The following SRPRA variants were observed in gnomAD, a reference collection of about 807,000 sequenced individuals.
SRPRA encodes signal recognition particle receptor subunit alpha.
Under a neutral mutation model 61.1 loss-of-function variants are expected in SRPRA, and 30 were observed. The observed-to-expected ratio is 0.49, with a 90% CI of 0.37 to 0.67. SRPRA has a LOEUF of 0.67. SRPRA is among the 30% of genes least tolerant of loss of function. The probability of loss-of-function intolerance (pLI) is 0.00; values close to 1 mark genes in which losing one functional copy is unlikely to be tolerated. For synonymous variants in SRPRA, 324 were observed against 299.7 expected (o/e 1.08, Z -0.84); for missense variants, 759 against 828.4 (o/e 0.92, Z 1.03).
chr11:126,240,920 T>C, the SRPRA span: 3 of 1,614,188 alleles, frequency 1.9e-6, no homozygotes, highest in South Asian at 3.3e-5. Context: ...ATTCAGGCCT[T>C]ACTGGATGCT....
chr11:126,236,245 T>C, the SRPRA span, among the ~76,000 whole-genome samples: 1 of 152,364 alleles, frequency 6.6e-6, no homozygotes, highest in African/African-American at 2.4e-5. Context: ...AGCATGTCCT[T>C]GCATAGCCTC....
the SRPRA span, chr11:126,241,297 T>C: frequency 2.7e-6 from 1 of 366,880 alleles, no homozygotes; most frequent in East Asian, 4.0e-5. Flanking sequence ...TATGTACAAA[T>C]TACCACTGTG....
In SRPRA at chr11:126,265,276, G is replaced by A; in HGVS notation, c.1303C>T (p.Leu435Phe). 1 of 1,614,140 alleles carries A rather than the reference G, an allele frequency of 6.2e-7. No homozygotes were observed. The highest frequency in any genetic ancestry group is 1.7e-5 in the Admixed American group (1 of 60,022). Residue 435 changes from leucine to phenylalanine, a missense_variant, in exon 10 of 14, where the codon CTT becomes TTT. This residue lies in a region of SRPRA where 284 missense variants were observed against 365.9 expected (regional missense o/e 0.78). Coordinates refer to ENST00000332118, the MANE Select transcript of SRPRA (RefSeq NM_003139.4). This position sits in a 1 kb window ranked among gnomAD's most constrained non-coding sequence, Gnocchi z 6.3. ...GVNGVGKSTN[L>F]AKISFWLLEN... is the part of the protein sequence containing the mutation. ...TGGGGAACTGCACTGACCTTGGCAAGATTAGTAGATTTCCCCACTCCATTA... is the reference window on the plus strand; with the variant it reads ...TGGGGAACTGCACTGACCTTGGCAAAATTAGTAGATTTCCCCACTCCATTA...
downstream of SRPRA, chr11:126,261,978 A>C: frequency 1.2e-6 from 1 of 813,380 alleles, no homozygotes; most frequent in South Asian, 1.9e-5. Context: ...AAAGTAAATA[A>C]AATTTTAAAT....
chr11:126,259,941 C>T (rs555467904), downstream of SRPRA, among the ~76,000 whole-genome samples: 4 of 151,584 alleles, frequency 2.6e-5, no homozygotes, highest in East Asian at 7.8e-4. Context: ...AGGATGGTCT[C>T]GATCTCCTGA....
chr11:126,248,489 G>C, the SRPRA span, among the ~76,000 whole-genome samples: 4 of 144,708 alleles, frequency 2.8e-5, no homozygotes, highest in East Asian at 2.3e-4. Context: ...TCCTGCCTCA[G>C]CCTCCCGAGT....
At chr11:126,251,312 T>C in the SRPRA span, among the ~76,000 whole-genome samples, 1 of 152,220 alleles carries the variant, frequency 6.6e-6, no homozygotes, top group Admixed American at 6.5e-5. Context: ...ATTTTTGTAA[T>C]GTTTTTTCCT....
chr11:126,239,073 C>T, the SRPRA span, among the ~76,000 whole-genome samples: 1 of 150,908 alleles, frequency 6.6e-6, no homozygotes, highest in Non-Finnish European at 1.5e-5. Flanking sequence ...CCTGGGCTCA[C>T]GTGATCCTCC....
At position 126,265,339 on chromosome 11, in the gene SRPRA, G is replaced by A. The variant is rs746132167; in HGVS notation, c.1240C>T (p.Arg414Cys). ...GTGACGACATAAGGGCGCTGGCGACGCTGGGCATCCATGATGTCCCGGAGC... is the reference window on the plus strand; with the variant it reads ...GTGACGACATAAGGGCGCTGGCGACACTGGGCATCCATGATGTCCCGGAGC... ...DMLRDIMDAQRRQRPYVVTFC... is the reference protein window; with the variant it reads ...DMLRDIMDAQCRQRPYVVTFC... Residue 414 changes from arginine (R) to cysteine (C), a missense_variant, in exon 10 of 14, where the codon CGT (arginine) becomes TGT (cysteine). Transcript: ENST00000332118. This position sits in a 1 kb window ranked among gnomAD's most constrained non-coding sequence, Gnocchi z 6.3. 10 of 1,613,944 alleles carry A rather than the reference G, an allele frequency of 6.2e-6. No homozygotes were observed. Among genetic ancestry groups the A allele is most frequent in the African/African-American group, 5.3e-5 (4 of 74,922 alleles).
the SRPRA span, among the ~76,000 whole-genome samples, chr11:126,236,437 A>T: frequency 1.3e-5 from 2 of 152,000 alleles, no homozygotes; most frequent in Non-Finnish European, 2.9e-5. Context: ...AATCCTTTGT[A>T]TTGTATGACC....
chr11:126,266,956 A>C (rs758545946), intron 4 of SRPRA, 34 bp from the exon 5 acceptor site: 9 of 1,602,784 alleles, frequency 5.6e-6, no homozygotes, highest in South Asian at 2.2e-5. Context: ...AGAAAAAAGA[A>C]GACCAATCCC....
chr11:126,267,684 G>T lies in SRPRA; in HGVS notation c.230C>A (p.Thr77Lys), dbSNP rs1158392023. 1.9e-6 allele frequency: 3 copies of T among 1,614,092 alleles called. 1 individual carries two copies. The Admixed American group carries it at 5.0e-5, about 27-fold the overall frequency. ...VVGFQKILTL[T>K]YVDKLIDDVH... ...GTCATCTATCAATTTGTCTACATAT[G>T]TCAGTGTCAGGATCTTCTGAAAACC... The change falls in exon 3 of 14, where the codon ACA becomes AAA. Residue 77 changes from threonine (T) to lysine (K), a missense_variant. This residue lies in a region of SRPRA where 475 missense variants were observed against 462.5 expected (regional missense o/e 1.03). Coordinates refer to ENST00000332118, the MANE Select transcript of SRPRA (RefSeq NM_003139.4). This position sits in a 1 kb window ranked among gnomAD's most constrained non-coding sequence, Gnocchi z 4.2.
At chr11:126,237,278 T>C in the SRPRA span, among the ~76,000 whole-genome samples, 1 of 117,998 alleles carries the variant, frequency 8.5e-6, no homozygotes, top group African/African-American at 3.3e-5. Flanking sequence ...TGGAGTGCAA[T>C]GGTGCAATCT....
the SRPRA span, chr11:126,250,736 A>G: frequency 6.2e-7 from 1 of 1,603,104 alleles, no homozygotes; most frequent in Admixed American, 1.7e-5. This position sits in a 1 kb window ranked among gnomAD's most constrained non-coding sequence, Gnocchi z 5.1. Context: ...AGAAAAAGGT[A>G]AAAAGTAAAG....
chr11:126,250,759 C>T, the SRPRA span: 1 of 1,519,848 alleles, frequency 6.6e-7, no homozygotes, highest in Non-Finnish European at 9.1e-7. The surrounding 1 kb of genome is among the most constrained non-coding windows in gnomAD (Gnocchi z 5.1). Context: ...TTGGTCCCTT[C>T]TTCAGGCTAG....
chr11:126,264,486 C>G lies in SRPRA; in HGVS notation c.1579G>C (p.Asp527His), dbSNP rs199583502. Residue 527 changes from aspartate (D) to histidine (H), a missense_variant, in exon 12 of 14, where the codon GAC (aspartate) becomes CAC (histidine). Around this residue, in one of 2 missense-constraint regions of SRPRA, gnomAD observed 284 missense variants for 365.9 expected, o/e 0.78. Coordinates refer to ENST00000332118, the MANE Select transcript of SRPRA (RefSeq NM_003139.4). The surrounding 1 kb of genome is among the most constrained non-coding windows in gnomAD (Gnocchi z 5.0). ...VLVDTAGRMQ[D>H]NAPLMTALAK... ...AGGGCAGTCATCAGAGGGGCATTGT[C>G]TTGCATGCGGCCTGCCGTGTCCACC... The G allele has an allele frequency of 1.9e-6, 3 of 1,614,018 alleles. No individual in the cohort carries two copies.
rs780906192 is a variant in SRPRA, at chr11:126,265,399, C to T, written c.1180G>A (p.Val394Met). 3.7e-6 allele frequency: 6 copies of T among 1,613,804 alleles called. No individual in the cohort carries two copies. Among genetic ancestry groups the T allele is most frequent in the East Asian group, 2.2e-5 (1 of 44,894 alleles). ...TVKQALQESL[V>M]QILQPQRRVD... ...CGACGCTGTGGCTGCAGAATCTGCACCAGGGACTCCTGTAGGGCTTGCTTT... is the reference window on the plus strand; with the variant it reads ...CGACGCTGTGGCTGCAGAATCTGCATCAGGGACTCCTGTAGGGCTTGCTTT... The change falls in exon 10 of 14, where the codon GTG becomes ATG. Residue 394 changes from valine (V) to methionine (M), a missense_variant. Val to Met is a conservative substitution (Grantham distance 21). Coordinates refer to ENST00000332118, the MANE Select transcript of SRPRA (RefSeq NM_003139.4). The surrounding 1 kb of genome is among the most constrained non-coding windows in gnomAD (Gnocchi z 6.3).
chr11:126,267,853 C>T lies in SRPRA; in HGVS notation c.202-141G>A, dbSNP rs974869083. ...TCCTGAGAGGCAGCCAAGCTCCCTG[C>T]CTGGGCCCAGTAGCTGCTGTTTTCC... On this transcript the variant is annotated intron_variant, in intron 2 of 13. Transcript: ENST00000332118. The surrounding 1 kb of genome is among the most constrained non-coding windows in gnomAD (Gnocchi z 4.2). The T allele has an allele frequency of 1.4e-6, 2 of 1,398,436 alleles. No homozygotes were observed. Among genetic ancestry groups the T allele is most frequent in the African/African-American group, 1.4e-5 (1 of 70,362 alleles). 86.6% of individuals were successfully genotyped at this position (1,398,436 alleles called of 1,614,324 possible).
At chr11:126,242,999 C>G in the SRPRA span, among the ~76,000 whole-genome samples, 1 of 152,326 alleles carries the variant, frequency 6.6e-6, no homozygotes, top group Non-Finnish European at 1.5e-5. Flanking sequence ...AACAAAATGT[C>G]TGTCCATGCA....
Sources: allele counts gnomAD v4.1 joint callset (sites outside exome capture counted in the v4.1 genomes callset), GRCh38; gene constraint gnomAD v4.1.1; regional missense constraint gnomAD v4.1.1; non-coding constraint Gnocchi (gnomAD v3.1); transcripts MANE v1.5; gene names NCBI Gene and HGNC (gene_info 2026-07-23, HGNC 2026-07-21).